Variants in TFEC observed in about 807,000 individuals in gnomAD.
The protein encoded by TFEC is transcription factor EC, also known as class E basic helix-loop-helix protein 34.
TFEC carries 31 observed loss-of-function variants against 41.6 expected under a neutral mutation model. The ratio of observed to expected loss-of-function variants is 0.74; its 90% CI spans 0.56 to 1.01. The LOEUF (loss-of-function observed/expected upper bound fraction) is 1.01, where lower values mean the gene tolerates loss of function less well. TFEC is among the 50% of genes least tolerant of loss of function. The pLI is 0.00. For synonymous variants in TFEC, 143 were observed against 140.6 expected, an observed-to-expected ratio of 1.02 and a Z score of -0.12; for missense variants, 402 against 404.1, an observed-to-expected ratio of 0.99 and a Z score of 0.04.
chr7:116,084,823 G>A (rs1797166408), intron 3 of TFEC, among the ~76,000 whole-genome samples: 1 of 151,736 alleles, frequency 6.6e-6, no homozygotes, highest in African/African-American at 2.4e-5. Flanking sequence ...CTTTTTCAGA[G>A]GTAGGCACTA....
chr7:116,144,238 A>C lies in TFEC; in HGVS notation c.-69+15552T>G, dbSNP rs575637147. On this transcript the variant is annotated intron_variant, in intron 1 of 8. Coordinates refer to the TFEC transcript ENST00000484212. Reference sequence around the variant, plus strand: ...CAAAAAAAAAAAAATGAAACAAAGAAAAGGTAGAGCCTCAACACAATAACT... The same window carrying C: ...CAAAAAAAAAAAAATGAAACAAAGACAAGGTAGAGCCTCAACACAATAACT... 1.2e-3 allele frequency among the ~76,000 whole-genome samples: 188 copies of C among 152,250 alleles called. 2 individuals carry two copies. Among genetic ancestry groups the C allele is most frequent in the Non-Finnish European group, 2.4e-3 (166 of 68,004 alleles).
chr7:116,051,591 T>C (rs544483450), intron 3 of TFEC, among the ~76,000 whole-genome samples: 107 of 152,322 alleles, frequency 7.0e-4, no homozygotes, highest in Non-Finnish European at 1.3e-3. Context: ...TCAATATATA[T>C]CTGATGGGAT....
intron 2 of TFEC, among the ~76,000 whole-genome samples, chr7:115,979,892 A>C (rs566105319): frequency 6.6e-6 from 1 of 152,098 alleles, no homozygotes; most frequent in Non-Finnish European, 1.5e-5. Flanking sequence ...TCAGGCTATA[A>C]CTAAATTGCA....
intron 3 of TFEC, among the ~76,000 whole-genome samples, chr7:116,070,023 A>T (rs1796788431): frequency 6.6e-6 from 1 of 151,510 alleles, no homozygotes; most frequent in Non-Finnish European, 1.5e-5. Flanking sequence ...ATATAAAAAC[A>T]TTATAAATAT....
chr7:115,983,868 CA>C (rs1253121134), intron 2 of TFEC, among the ~76,000 whole-genome samples: 1 of 152,054 alleles, frequency 6.6e-6, no homozygotes, highest in Non-Finnish European at 1.5e-5. Context: ...TCAATTTCTA[CA>C]GCAAAAATTT....
chr7:116,003,740 T>C (rs952569291), intron 1 of TFEC, among the ~76,000 whole-genome samples: 1 of 152,072 alleles, frequency 6.6e-6, no homozygotes, highest in South Asian at 2.1e-4. Context: ...TTCTGAACCA[T>C]AAAAGACACT....
At chr7:116,024,315 G>T (rs1221481483) in intron 1 of TFEC, among the ~76,000 whole-genome samples, 1 of 152,090 alleles carries the variant, frequency 6.6e-6, no homozygotes, top group Non-Finnish European at 1.5e-5. Flanking sequence ...TGTTCAAAAT[G>T]AATGAAAGAG....
intron 1 of TFEC, among the ~76,000 whole-genome samples, chr7:116,127,394 T>G (rs1319843096): frequency 2.0e-5 from 3 of 152,136 alleles, no homozygotes; most frequent in Non-Finnish European, 2.9e-5. Context: ...GGGCTTTGGT[T>G]TTTTATCCGA....
At chr7:116,026,516 C>A (rs1795592085) in intron 1 of TFEC, among the ~76,000 whole-genome samples, 3 of 152,168 alleles carry the variant, frequency 2.0e-5, no homozygotes, top group Non-Finnish European at 4.4e-5. Context: ...ACACCTCCAT[C>A]TTAACTAACC....
At chr7:116,136,340 A>G (rs1798432301) in intron 1 of TFEC, among the ~76,000 whole-genome samples, 1 of 152,046 alleles carries the variant, frequency 6.6e-6, no homozygotes, top group South Asian at 2.1e-4. Context: ...AAACTCAAAT[A>G]CGCATATCTG....
chr7:115,950,102 C>T (rs1446470871), intron 6 of TFEC, among the ~76,000 whole-genome samples: 2 of 151,646 alleles, frequency 1.3e-5, no homozygotes, highest in Non-Finnish European at 2.9e-5. Flanking sequence ...ACCTCTGCCC[C>T]CTAGGTTCAA....
intron 1 of TFEC, among the ~76,000 whole-genome samples, chr7:116,013,072 T>A (rs555173656): frequency 1.3e-5 from 2 of 152,212 alleles, no homozygotes; most frequent in East Asian, 3.9e-4. Context: ...ACTTTTAGAT[T>A]ATTCATTTTG....
At chr7:116,105,103 AG>A (rs1797686680) in intron 3 of TFEC, among the ~76,000 whole-genome samples, 1 of 152,144 alleles carries the variant, frequency 6.6e-6, no homozygotes, top group African/African-American at 2.4e-5. Context: ...GAGAAAAGGA[AG>A]GATGAATGCC....
chr7:115,964,940 T>C (rs940890188), intron 3 of TFEC, among the ~76,000 whole-genome samples: 1 of 151,576 alleles, frequency 6.6e-6, no homozygotes, highest in Non-Finnish European at 1.5e-5. Context: ...AAGTTGATCA[T>C]GTTTTCTTAG....
intron 3 of TFEC, among the ~76,000 whole-genome samples, chr7:116,109,249 T>C (rs1439569897): frequency 2.6e-5 from 4 of 152,094 alleles, no homozygotes; most frequent in African/African-American, 4.8e-5. Context: ...AAAGAGCTTC[T>C]GCACAGCAAA....
intron 3 of TFEC, chr7:116,110,685 T>C: frequency 7.7e-7 from 1 of 1,297,354 alleles, no homozygotes; most frequent in Non-Finnish European, 1.0e-6. Flanking sequence ...AAATTACGGC[T>C]GTATATGTAT....
intron 3 of TFEC, among the ~76,000 whole-genome samples, chr7:116,098,770 C>T (rs1268522344): frequency 6.6e-6 from 1 of 151,900 alleles, no homozygotes; most frequent in Non-Finnish European, 1.5e-5. Context: ...TAAATGAATA[C>T]TTCCCAACTT....
intron 1 of TFEC, among the ~76,000 whole-genome samples, chr7:115,989,970 C>A (rs549032535): frequency 6.6e-6 from 1 of 152,176 alleles, no homozygotes; most frequent in East Asian, 1.9e-4. Context: ...CTGGCAGGTA[C>A]CTCCTAGTAG....
chr7:115,975,776 G>A (rs535610650), intron 2 of TFEC, among the ~76,000 whole-genome samples: 1 of 152,242 alleles, frequency 6.6e-6, no homozygotes, highest in East Asian at 1.9e-4. Flanking sequence ...ACAGACATAA[G>A]ATTAACATGG....
Sources: gnomAD v4.1 joint callset for allele counts (sites outside exome capture counted in the v4.1 genomes callset) on GRCh38, gnomAD v4.1.1 for gene constraint, MANE v1.5 for transcripts, NCBI Gene and HGNC (gene_info 2026-07-23, HGNC 2026-07-21) for gene names.